CSMD1: variants seen among roughly 807,000 people sequenced by gnomAD.
The protein encoded by CSMD1 is CUB and sushi domain-containing protein 1.
A neutral mutation model predicts 417.5 loss-of-function variants in CSMD1; 213 were observed. That is an observed-to-expected ratio of 0.51 (90% CI 0.46 to 0.57). CSMD1 has a LOEUF of 0.57. Ranked by LOEUF, CSMD1 falls within the 20% of genes least tolerant of loss-of-function variation. CSMD1 has a pLI of 0.00. For missense variants in CSMD1, 6,923 were observed against 4,529.7 expected (o/e 1.53, Z -15.17); for synonymous variants, 2,862 against 1,736.8 (o/e 1.65, Z -16.11).
intron 5 of CSMD1, among the ~76,000 whole-genome samples, chr8:3,797,121 A>G (rs948667230): frequency 1.3e-5 from 2 of 151,978 alleles, no homozygotes; most frequent in Non-Finnish European, 2.9e-5. Context: ...TAAGTAAATA[A>G]TGAAGTATAC....
intron 2 of CSMD1, among the ~76,000 whole-genome samples, chr8:4,488,870 G>C (rs1396757610): frequency 1.3e-5 from 2 of 152,174 alleles, no homozygotes; most frequent in East Asian, 3.8e-4. Flanking sequence ...TAAAACGACA[G>C]AAATCCTTTC....
intron 5 of CSMD1, among the ~76,000 whole-genome samples, chr8:3,831,772 T>G (rs748547597): frequency 3.9e-5 from 6 of 152,190 alleles, no homozygotes; most frequent in Non-Finnish European, 8.8e-5. Context: ...CACATAGCCA[T>G]TTGGGATATT....
At chr8:4,693,175 C>T (rs892626993) in intron 1 of CSMD1, among the ~76,000 whole-genome samples, 1 of 152,166 alleles carries the variant, frequency 6.6e-6, no homozygotes, top group African/African-American at 2.4e-5. Flanking sequence ...CTTAATTTGG[C>T]CAGTGTTTCA....
At chr8:3,300,213 A>G (rs549937284) in intron 25 of CSMD1, among the ~76,000 whole-genome samples, 2 of 152,062 alleles carry the variant, frequency 1.3e-5, no homozygotes, top group African/African-American at 2.4e-5. Context: ...TCAGAATAAC[A>G]TGGCGTAAAA....
intron 1 of CSMD1, among the ~76,000 whole-genome samples, chr8:4,944,718 G>A (rs911808137): frequency 2.0e-5 from 3 of 151,980 alleles, no homozygotes; most frequent in Non-Finnish European, 4.4e-5. Context: ...GACTACTGTC[G>A]AAAAGAAATA....
At chr8:4,119,687 C>T (rs1168002808) in intron 3 of CSMD1, among the ~76,000 whole-genome samples, 5 of 152,182 alleles carry the variant, frequency 3.3e-5, no homozygotes, top group East Asian at 1.9e-4. Context: ...AGAGAGTCCT[C>T]CCAGAACCAC....
Position 4,730,720 on chromosome 8 carries a change from G to A in CSMD1, c.86-93162C>T, listed in dbSNP as rs191794262. ...CGTGCCACTGCACTCCAGCCTGGGCGACAGAGCGAGACTCCATTTCAAAAA... is the reference window on the plus strand; with the variant it reads ...CGTGCCACTGCACTCCAGCCTGGGCAACAGAGCGAGACTCCATTTCAAAAA... On this transcript the variant is annotated intron_variant, in intron 1 of 69. Transcript: ENST00000635120. 3.4e-3 allele frequency among the ~76,000 whole-genome samples: 521 copies of A among 151,482 alleles called. 3 individuals are homozygous for A. Among genetic ancestry groups the A allele is most frequent in the Middle Eastern group, 0.01 (3 of 294 alleles).
chr8:3,729,478 T>C (rs1054702424), intron 6 of CSMD1, among the ~76,000 whole-genome samples: 2 of 152,184 alleles, frequency 1.3e-5, no homozygotes, highest in Non-Finnish European at 2.9e-5. Context: ...TGCTTGAACA[T>C]AGAGGCAATA....
intron 4 of CSMD1, among the ~76,000 whole-genome samples, chr8:4,016,044 C>T (rs1409337125): frequency 2.0e-5 from 3 of 152,142 alleles, no homozygotes. Context: ...CATCTAAGCT[C>T]TCAGAGAATG....
chr8:3,068,335 T>G (rs1813085257), intron 49 of CSMD1, among the ~76,000 whole-genome samples: 1 of 152,166 alleles, frequency 6.6e-6, no homozygotes, highest in African/African-American at 2.4e-5. Flanking sequence ...TACCACTCAC[T>G]TTGTGTAGAA....
At chr8:3,337,325 A>T (rs1259146806) in intron 23 of CSMD1, among the ~76,000 whole-genome samples, 1 of 152,216 alleles carries the variant, frequency 6.6e-6, no homozygotes, top group African/African-American at 2.4e-5. Context: ...ACCTTTTTGT[A>T]TCTATTCAGC....
chr8:4,310,185 C>A (rs543864741), intron 3 of CSMD1, among the ~76,000 whole-genome samples: 2 of 152,098 alleles, frequency 1.3e-5, no homozygotes, highest in Admixed American at 6.6e-5. Context: ...CATAAAGAAA[C>A]AATGGTAATC....
At chr8:4,956,814 T>G (rs1585405026) in intron 1 of CSMD1, among the ~76,000 whole-genome samples, 1 of 152,314 alleles carries the variant, frequency 6.6e-6, no homozygotes, top group Non-Finnish European at 1.5e-5. Flanking sequence ...TCCTCCCACC[T>G]GTTGCATTGC....
chr8:2,948,747 G>C lies in CSMD1; in HGVS notation c.10402+552C>G, dbSNP rs148238718. ...TTTGCCTGATTAAAAATTCTAGACA[G>C]AAAATTGTTGGATGAACAAAGTACT... On this transcript the variant is annotated intron_variant, in intron 68 of 69. Transcript: ENST00000635120. Among the ~76,000 whole-genome samples, 195 of 152,170 alleles carry C rather than the reference G, an allele frequency of 1.3e-3. 1 individual carries two copies. The highest frequency in any genetic ancestry group is 4.5e-3 in the African/African-American group (187 of 41,550).
intron 3 of CSMD1, among the ~76,000 whole-genome samples, chr8:4,295,787 T>TATATAC (rs1797649760): frequency 6.7e-5 from 1 of 14,932 alleles, no homozygotes; most frequent in East Asian, 3.3e-3. Context: ...TATATATATA[T>TATATAC]ACACACACAC....
intron 5 of CSMD1, among the ~76,000 whole-genome samples, chr8:3,841,559 A>T (rs1033530168): frequency 6.6e-6 from 1 of 152,170 alleles, no homozygotes; most frequent in African/African-American, 2.4e-5. Context: ...TATATCAATT[A>T]AATTGTTTAT....
At chr8:4,432,045 G>C (rs1262173477) in intron 2 of CSMD1, among the ~76,000 whole-genome samples, 1 of 152,116 alleles carries the variant, frequency 6.6e-6, no homozygotes, top group South Asian at 2.1e-4. Flanking sequence ...AAGGAGATTT[G>C]GTAGTGCTCA....
At chr8:4,759,096 G>C (rs773564671) in intron 1 of CSMD1, among the ~76,000 whole-genome samples, 15 of 152,220 alleles carry the variant, frequency 9.9e-5, no homozygotes, top group Non-Finnish European at 1.9e-4. Context: ...CTGTTAAAGA[G>C]TGAGGGAAAT....
At chr8:4,700,139 T>C (rs1584962422) in intron 1 of CSMD1, among the ~76,000 whole-genome samples, 1 of 152,108 alleles carries the variant, frequency 6.6e-6, no homozygotes, top group East Asian at 1.9e-4. Flanking sequence ...TTAATTTTTA[T>C]TTTTAACTGA....
Sources: gnomAD v4.1 joint callset for allele counts (sites outside exome capture counted in the v4.1 genomes callset) on GRCh38, gnomAD v4.1.1 for gene constraint, MANE v1.5 for transcripts, NCBI Gene and HGNC (gene_info 2026-07-23, HGNC 2026-07-21) for gene names.